The following NGEF variants were observed in gnomAD, a reference collection of about 807,000 sequenced individuals.
NGEF encodes the protein neuronal guanine nucleotide exchange factor, also known as ephexin-1.
A neutral mutation model predicts 80.9 loss-of-function variants in NGEF; 31 were observed. The observed-to-expected ratio is 0.38, with a 90% CI of 0.29 to 0.52. NGEF has a LOEUF of 0.52. Among genes scored for constraint, NGEF ranks in the 20% least tolerant of loss-of-function variants. The pLI, the probability that NGEF is intolerant of heterozygous loss-of-function variation, is 0.84. For missense variants in NGEF, 709 were observed against 926.2 expected (o/e 0.77, Z 3.04); for synonymous variants, 371 against 370.2 (o/e 1.00, Z -0.03).
At chr2:233,010,140 G>A (rs1001382415) in intron 1 of NGEF, among the ~76,000 whole-genome samples, 4 of 152,040 alleles carry the variant, frequency 2.6e-5, no homozygotes, top group Admixed American at 1.3e-4. Context: ...TAATCCATGC[G>A]CCTCAGCCTC....
At chr2:232,939,404 A>G (rs908591318) in intron 3 of NGEF, among the ~76,000 whole-genome samples, 1 of 152,206 alleles carries the variant, frequency 6.6e-6, no homozygotes, top group Non-Finnish European at 1.5e-5. Context: ...TGCATTCACT[A>G]TGGTAACAGA....
chr2:232,894,839 G>A lies in NGEF; in HGVS notation c.906C>T (p.Asn302=), dbSNP rs756454430. The A allele has an allele frequency of 3.5e-5, 57 of 1,611,416 alleles. No homozygotes were observed. Among genetic ancestry groups the A allele is most frequent in the Non-Finnish European group, 4.3e-5 (51 of 1,178,808 alleles). ...GGTGCAGGATCTTCCTTATCCGCTC[G>A]TTCTCCATGAAGTGGGACACGAGCA... ...LNLLVSHFME[N]ERIRKILHPS... is the part of the protein sequence containing the mutation. The change falls in exon 6 of 15, where the codon AAC becomes AAT. Residue 302 remains asparagine (N), a synonymous_variant. Coordinates refer to ENST00000264051, the MANE Select transcript of NGEF (RefSeq NM_019850.3).
At chr2:232,880,661 C>G (rs962488033) in intron 14 of NGEF, among the ~76,000 whole-genome samples, 1 of 152,234 alleles carries the variant, frequency 6.6e-6, no homozygotes, top group Non-Finnish European at 1.5e-5. Context: ...GGAGGAACTT[C>G]GCTTGGTACT....
intron 1 of NGEF, among the ~76,000 whole-genome samples, chr2:233,006,769 C>T (rs1255887171): frequency 1.3e-5 from 2 of 152,134 alleles, no homozygotes; most frequent in South Asian, 2.1e-4. Context: ...TGTACTTGTC[C>T]TATTTCTTTC....
At chr2:232,901,448 C>T in intron 5 of NGEF, 2 of 985,480 alleles carry the variant, frequency 2.0e-6, no homozygotes, top group Non-Finnish European at 2.4e-6. Context: ...TTTGGCTTCT[C>T]CCGACCCCTG....
chr2:233,012,095 A>G (rs946927572), intron 1 of NGEF, among the ~76,000 whole-genome samples: 9 of 151,094 alleles, frequency 6.0e-5, no homozygotes, highest in East Asian at 1.9e-4. Context: ...GAGAGAGAGA[A>G]AGAGAGAAGG....
In NGEF at chr2:232,879,674, T is replaced by G. The variant is rs1016757345; in HGVS notation, c.1948A>C (p.Ile650Leu). The G allele has an allele frequency of 5.6e-6, 9 of 1,611,480 alleles. No individual in the cohort carries two copies. In the African/African-American group the frequency reaches 6.7e-5, roughly 12 times the overall value. The change falls in exon 15 of 15, where the codon ATC becomes CTC. Residue 650 changes from isoleucine to leucine, a missense_variant. Ile to Leu is a conservative substitution (Grantham distance 5). This residue lies in a region of NGEF where 426 missense variants were observed against 622.9 expected (regional missense o/e 0.68). Coordinates refer to ENST00000264051, the MANE Select transcript of NGEF (RefSeq NM_019850.3). ...NILDKTDDGW[I>L]FGERLHDQER... ...TGGTCGTGCAGACGCTCGCCAAAGA[T>G]CCACCCTGTGCAGGGAGGGGAGGGA...
rs1483555054 is a variant in NGEF at position 233,005,501 on chromosome 2, T to G, written c.-75+7567A>C. On this transcript the variant is annotated intron_variant, in intron 1 of 14. Coordinates refer to ENST00000264051, the MANE Select transcript of NGEF (RefSeq NM_019850.3). The stretch of plus-strand genomic sequence containing the variant: ...CAAGGCCACCTTCTGTGGCAAAAAG[T>G]TCAGCATCTTGAGATGGGGAGATTA... 2.6e-5 allele frequency among the ~76,000 whole-genome samples: 4 copies of G among 152,344 alleles called. No homozygotes were observed. In the East Asian group the frequency reaches 7.7e-4, roughly 29 times the overall value.
intron 5 of NGEF, among the ~76,000 whole-genome samples, chr2:232,915,069 A>G (rs1220841757): frequency 6.6e-6 from 1 of 151,666 alleles, no homozygotes; most frequent in Non-Finnish European, 1.5e-5. Flanking sequence ...ATTCCACCAG[A>G]CGGCTCTGCT....
rs778422039 is a variant in NGEF at position 232,974,925 on chromosome 2, T to G, written c.-35A>C. ...GCCAGATGTTTCTCAGCAGAACGAC[T>G]GGAGGTCAATGACTTTCCCAAGCTT... On this transcript the variant is annotated 5_prime_UTR_variant, in exon 2 of 15. Transcript: ENST00000264051. The G allele has an allele frequency of 2.5e-6, 4 of 1,596,186 alleles. No individual in the cohort carries two copies. The East Asian group carries it at 6.7e-5, about 27-fold the overall frequency.
chr2:232,965,575 A>G (rs1694040971), intron 3 of NGEF, among the ~76,000 whole-genome samples: 1 of 152,144 alleles, frequency 6.6e-6, no homozygotes. Flanking sequence ...CTTCCATTAG[A>G]TGGAAGGGCT....
At chr2:232,989,889 A>C (rs1478294578) in intron 1 of NGEF, among the ~76,000 whole-genome samples, 1 of 152,214 alleles carries the variant, frequency 6.6e-6, no homozygotes, top group East Asian at 1.9e-4. Context: ...TCAGTTGACA[A>C]AGTTAAATAC....
chr2:232,934,863 C>G (rs935753679), intron 3 of NGEF, among the ~76,000 whole-genome samples: 43 of 151,730 alleles, frequency 2.8e-4, no homozygotes, highest in Admixed American at 2.8e-3. Flanking sequence ...ACAAAATTAG[C>G]CAGGCATGGT....
intron 1 of NGEF, among the ~76,000 whole-genome samples, chr2:233,007,866 A>G (rs1695118463): frequency 6.6e-6 from 1 of 152,248 alleles, no homozygotes; most frequent in Non-Finnish European, 1.5e-5. Context: ...CTCAGGCACC[A>G]GGAAAAGTTG....
chr2:232,998,871 T>C (rs2106341793), intron 1 of NGEF, among the ~76,000 whole-genome samples: 1 of 152,284 alleles, frequency 6.6e-6, no homozygotes, highest in South Asian at 2.1e-4. Flanking sequence ...GTCCTATCTG[T>C]AGGGTGATGT....
At chr2:232,893,546 G>A (rs1691952036) in intron 6 of NGEF, among the ~76,000 whole-genome samples, 1 of 152,204 alleles carries the variant, frequency 6.6e-6, no homozygotes, top group African/African-American at 2.4e-5. Flanking sequence ...GGCCGAGGCG[G>A]GCGGATCACC....
At chr2:232,977,697 T>G (rs1428840722) in intron 1 of NGEF, among the ~76,000 whole-genome samples, 1 of 152,178 alleles carries the variant, frequency 6.6e-6, no homozygotes, top group East Asian at 1.9e-4. Context: ...GGCCTCTGAC[T>G]GCTGGACCGA....
chr2:232,886,757 G>A (rs1269819014), intron 9 of NGEF, among the ~76,000 whole-genome samples: 2 of 152,250 alleles, frequency 1.3e-5, no homozygotes, highest in East Asian at 1.9e-4. Flanking sequence ...TCTGGGGCAC[G>A]TGGGCCCCTC....
At chr2:233,003,439 G>A (rs909802308) in intron 1 of NGEF, among the ~76,000 whole-genome samples, 3 of 152,126 alleles carry the variant, frequency 2.0e-5, no homozygotes, top group Admixed American at 6.5e-5. Flanking sequence ...GCAATGGTTC[G>A]CAGCTTAGAT....
Sources: allele counts gnomAD v4.1 joint callset (sites outside exome capture counted in the v4.1 genomes callset), GRCh38; gene constraint gnomAD v4.1.1; regional missense constraint gnomAD v4.1.1; transcripts MANE v1.5; gene names NCBI Gene and HGNC (gene_info 2026-07-23, HGNC 2026-07-21).